SIK3: variants seen among roughly 807,000 people sequenced by gnomAD.
The protein encoded by SIK3 is serine/threonine-protein kinase SIK3.
Under a neutral mutation model 144.2 loss-of-function variants are expected in SIK3, and 28 were observed. That is an observed-to-expected ratio of 0.19 (90% confidence interval 0.14 to 0.27). The LOEUF (loss-of-function observed/expected upper bound fraction) is 0.27. Among genes scored for constraint, SIK3 ranks in the 10% least tolerant of loss-of-function variants. The probability of loss-of-function intolerance (pLI) is 1.00; values close to 1 mark genes in which losing one functional copy is unlikely to be tolerated. For missense variants in SIK3, 1,319 were observed against 1,776.0 expected (o/e 0.74, Z 4.62); for synonymous variants, 686 against 676.3 (o/e 1.01, Z -0.22).
intron 1 of SIK3, among the ~76,000 whole-genome samples, chr11:117,032,885 TATAAA>T (rs1952324407): frequency 6.6e-6 from 1 of 152,148 alleles, no homozygotes; most frequent in Non-Finnish European, 1.5e-5. Context: ...TTATCAGCAG[TATAAA>T]ATATCTTACC....
intron 6 of SIK3, among the ~76,000 whole-genome samples, chr11:116,889,331 A>T (rs1944984732): frequency 6.6e-6 from 1 of 152,208 alleles, no homozygotes; most frequent in Non-Finnish European, 1.5e-5. Context: ...TGGGAGGCCA[A>T]GGTGGGAGGA....
intron 1 of SIK3, among the ~76,000 whole-genome samples, chr11:116,997,575 T>A (rs1249626592): frequency 6.6e-6 from 1 of 152,208 alleles, no homozygotes; most frequent in Admixed American, 6.5e-5. Flanking sequence ...TAATTTATAT[T>A]TTGCTTTGAT....
In SIK3 at chr11:116,861,889, T is replaced by C. The variant is rs778570494; in HGVS notation, c.2267A>G (p.Gln756Arg). 3 of 1,611,956 alleles carry C rather than the reference T, an allele frequency of 1.9e-6. No homozygotes were observed. Among genetic ancestry groups the C allele is most frequent in the South Asian group, 1.1e-5 (1 of 90,378 alleles). Residue 756 changes from glutamine (Q) to arginine (R), a missense_variant, in exon 18 of 25, where the codon CAG becomes CGG. Transcript: ENST00000445177. ...ICPPQPSPPL[Q>R]AACENQPALL... The stretch of plus-strand genomic sequence containing the variant: ...GGCTGGCTGATTTTCACATGCAGCC[T>C]GAAGAGGTGGAGATGGCTGAGGAGG...
At chr11:116,865,757 GA>G (rs1943600460) in intron 15 of SIK3, among the ~76,000 whole-genome samples, 1 of 152,028 alleles carries the variant, frequency 6.6e-6, no homozygotes, top group African/African-American at 2.4e-5. Context: ...ATTTCCTCCA[GA>G]AAATGAAAGG....
At position 116,861,896 on chromosome 11, in the gene SIK3, G is replaced by C; in HGVS notation, c.2260C>G (p.Pro754Ala). 6.2e-7 allele frequency: 1 copy of C among 1,611,948 alleles called. No individual in the cohort carries two copies. The highest frequency in any genetic ancestry group is 8.5e-7 in the Non-Finnish European group (1 of 1,179,222). ...DSICPPQPSP[P>A]LQAACENQPA... ...TGATTTTCACATGCAGCCTGAAGAGGTGGAGATGGCTGAGGAGGACAGATA... is the reference window on the plus strand; with the variant it reads ...TGATTTTCACATGCAGCCTGAAGAGCTGGAGATGGCTGAGGAGGACAGATA... Residue 754 changes from proline to alanine, a missense_variant, in exon 18 of 25, where the codon CCT becomes GCT. Transcript: ENST00000445177.
intron 1 of SIK3, among the ~76,000 whole-genome samples, chr11:117,083,453 G>C (rs749117028): frequency 6.6e-6 from 1 of 152,036 alleles, no homozygotes; most frequent in Non-Finnish European, 1.5e-5. Flanking sequence ...AGCTGACTTG[G>C]ACCCAAAGAT....
rs761293303 is a variant in SIK3 at position 116,858,033 on chromosome 11, C to T, written c.3432G>A (p.Glu1144=). 27 of 1,613,750 alleles carry T rather than the reference C, an allele frequency of 1.7e-5. No individual in the cohort carries two copies. The Admixed American group carries it at 4.3e-4, about 26-fold the overall frequency. The change falls in exon 21 of 25, where the codon GAG becomes GAA. Residue 1144 remains glutamate (E), a synonymous_variant. Transcript: ENST00000445177. This position sits in a 1 kb window ranked among gnomAD's most constrained non-coding sequence, Gnocchi z 5.4. ...TGGCCCCCTCACACGAGCAGTCCTC[C>T]TCCATGCTCTCTGAATGCATCAGTG... ...QPALMHSESM[E]EDCSCEGAKD... is the part of the protein sequence containing the mutation.
chr11:116,847,645 A>G (rs1157831718), intron 22 of SIK3, 37 bp from the exon 23 acceptor site: 1 of 1,612,794 alleles, frequency 6.2e-7, no homozygotes, highest in Non-Finnish European at 8.5e-7. Context: ...TAAGCACACA[A>G]GACACCACTC....
In SIK3 at chr11:116,844,442, A is replaced by G. The variant is rs1941751383; in HGVS notation, c.*1201T>C. 1 of 151,168 alleles carries G rather than the reference A, an allele frequency of 6.6e-6. No homozygotes were observed. Among genetic ancestry groups the G allele is most frequent in the Non-Finnish European group, 1.5e-5 (1 of 67,858 alleles). 9.4% of individuals were successfully genotyped at this position (151,168 alleles called of 1,614,324 possible). On this transcript the variant is annotated 3_prime_UTR_variant, in exon 25 of 25. Transcript: ENST00000445177. ...ATAACAATAATATCAACATTTACCA[A>G]AAACAATTTCTACATGATCAAGAAT...
rs1310126178 is a variant in SIK3, at chr11:117,061,843, TAC to T, written c.273+36298_273+36299del. Among the ~76,000 whole-genome samples the T allele has an allele frequency of 7.2e-5, 11 of 152,102 alleles. No homozygotes were observed. In the East Asian group the frequency reaches 1.3e-3, roughly 19 times the overall value. Reference sequence around the variant, plus strand: ...AGTCCAAATTATTATTTGCTGATGATACGTTACAAAAAAAGAGAATCAATTAT... The same window carrying T: ...AGTCCAAATTATTATTTGCTGATGATGTTACAAAAAAAGAGAATCAATTAT... On this transcript the variant is annotated intron_variant, in intron 1 of 24. Transcript: ENST00000445177.
chr11:116,875,025 T>C lies in SIK3; in HGVS notation c.1427+133A>G, dbSNP rs1944173811. ...ACATACATAAGTTACATCATATCAT[T>C]TGTCCACTTGGCCACTGGATTAGAT... On this transcript the variant is annotated intron_variant, in intron 11 of 24. Transcript: ENST00000445177. The C allele has an allele frequency of 2.4e-5, 16 of 658,642 alleles. No individual in the cohort carries two copies. In the South Asian group the frequency reaches 3.0e-4, roughly 12 times the overall value. The allele number at this position is 658,642 out of a possible 1,614,324, so 40.8% of individuals were successfully genotyped here. A position where few individuals can be genotyped will look rare whatever the true frequency, so the allele number is the denominator to read the frequency against.
chr11:117,002,177 A>G (rs954386776), intron 1 of SIK3, among the ~76,000 whole-genome samples: 5 of 152,230 alleles, frequency 3.3e-5, no homozygotes, highest in Non-Finnish European at 5.9e-5. Context: ...AAAATCTAGA[A>G]AACTTCTAGA....
rs1462537321 is a variant in SIK3, at chr11:116,863,722, G to C, written c.2049C>G (p.Phe683Leu). The C allele has an allele frequency of 6.2e-7, 1 of 1,614,012 alleles. No individual in the cohort carries two copies. Residue 683 changes from phenylalanine to leucine, a missense_variant, in exon 16 of 25, where the codon TTC (phenylalanine) becomes TTG (leucine). By Grantham distance (22) the Phe-to-Leu change is conservative (BLOSUM62 0). Around this residue, in one of 8 missense-constraint regions of SIK3, gnomAD observed 77 missense variants for 141.9 expected, o/e 0.54. Transcript: ENST00000445177. The stretch of plus-strand genomic sequence containing the variant: ...TGCCCATTTTTTCCAGGTGAGCTTT[G>C]AAGGCCTGGATGCTCGCAGCCCCAT... Reference protein sequence around the residue: ...FSDGAASIQAFKAHLEKMGNN... With the variant: ...FSDGAASIQALKAHLEKMGNN...
chr11:117,072,041 T>G (rs1447115263), intron 1 of SIK3, among the ~76,000 whole-genome samples: 1 of 151,980 alleles, frequency 6.6e-6, no homozygotes, highest in Non-Finnish European at 1.5e-5. Context: ...AAATCACTGA[T>G]GGTTTTAAAG....
At chr11:116,961,058 G>GA (rs1044727266) in intron 1 of SIK3, among the ~76,000 whole-genome samples, 1 of 152,086 alleles carries the variant, frequency 6.6e-6, no homozygotes, top group South Asian at 2.1e-4. Context: ...AACAGAGCTG[G>GA]AAAAAAAATA....
At chr11:116,970,112 CA>C (rs199707321) in intron 1 of SIK3, among the ~76,000 whole-genome samples, 1 of 151,958 alleles carries the variant, frequency 6.6e-6, no homozygotes. Context: ...CCTGTCTCTA[CA>C]AAAAAAATTT....
chr11:116,901,136 AT>A (rs1002771967), intron 4 of SIK3, among the ~76,000 whole-genome samples: 2 of 152,242 alleles, frequency 1.3e-5, no homozygotes, highest in Non-Finnish European at 2.9e-5. Flanking sequence ...AAGTGCTGGG[AT>A]TACAGGCGTA....
chr11:116,876,207 G>C (rs758393766), intron 8 of SIK3, 46 bp downstream of exon 8: 2 of 1,556,874 alleles, frequency 1.3e-6, no homozygotes. Context: ...AAGCAGGTTA[G>C]AGGAACTGCT....
At chr11:117,050,938 T>G (rs184394081) in intron 1 of SIK3, among the ~76,000 whole-genome samples, 54 of 152,162 alleles carry the variant, frequency 3.5e-4, no homozygotes, top group African/African-American at 1.2e-3. Flanking sequence ...GATGGTTAAT[T>G]TTATGTGCCA....
Sources: allele counts gnomAD v4.1 joint callset (sites outside exome capture counted in the v4.1 genomes callset), GRCh38; gene constraint gnomAD v4.1.1; regional missense constraint gnomAD v4.1.1; non-coding constraint Gnocchi (gnomAD v3.1); transcripts MANE v1.5; gene names NCBI Gene and HGNC (gene_info 2026-07-23, HGNC 2026-07-21).